Variants in TOX observed in about 807,000 individuals in gnomAD.
The protein encoded by TOX is thymocyte selection associated high mobility group box, also known as thymocyte selection-associated high mobility group box protein TOX.
A neutral mutation model predicts 53.7 loss-of-function variants in TOX; 11 were observed. The observed-to-expected ratio is 0.20, with a 90% CI of 0.13 to 0.34. TOX has a LOEUF of 0.34. TOX is among the 10% of genes least tolerant of loss of function. The pLI is 1.00. For missense variants in TOX, 570 were observed against 664.6 expected (o/e 0.86, Z 1.56); for synonymous variants, 225 against 245.3 (o/e 0.92, Z 0.77).
At chr8:58,824,613 A>G (rs1274518052) in intron 6 of TOX, among the ~76,000 whole-genome samples, 1 of 152,166 alleles carries the variant, frequency 6.6e-6, no homozygotes, top group Admixed American at 6.5e-5. Context: ...CCCAGATCCA[A>G]TGTCACCTCT....
intron 1 of TOX, among the ~76,000 whole-genome samples, chr8:59,100,621 C>A (rs1408257931): frequency 6.6e-6 from 1 of 152,196 alleles, no homozygotes; most frequent in Non-Finnish European, 1.5e-5. Flanking sequence ...TCTGCAATGA[C>A]TCTCACAGAA....
At chr8:58,937,737 A>G (rs1296974102) in intron 3 of TOX, among the ~76,000 whole-genome samples, 1 of 152,168 alleles carries the variant, frequency 6.6e-6, no homozygotes. Flanking sequence ...CACTCCTACC[A>G]TGGGGAATAA....
intron 1 of TOX, among the ~76,000 whole-genome samples, chr8:59,076,723 G>T (rs74976989): frequency 0.045 from 6,923 of 152,154 alleles, 209 homozygotes; most frequent in Middle Eastern, 0.15. Flanking sequence ...TCAGTGAAAA[G>T]AATATTTCTA....
intron 1 of TOX, among the ~76,000 whole-genome samples, chr8:59,029,064 T>C (rs948178665): frequency 6.6e-6 from 1 of 152,184 alleles, no homozygotes; most frequent in Non-Finnish European, 1.5e-5. Context: ...ACTAAAGTAC[T>C]TTCCCTCGGA....
Position 59,033,568 on chromosome 8 carries a change from G to A in TOX, c.103-73560C>T, listed in dbSNP as rs1281968213. 5.9e-5 allele frequency among the ~76,000 whole-genome samples: 9 copies of A among 152,116 alleles called. No homozygotes were observed. In the South Asian group the frequency reaches 8.3e-4, roughly 14 times the overall value. ...ATTTTTCCACAATAATAAAAAGGTCGATGCCCAGTCGCCACTATTACAAGA... is the reference window on the plus strand; with the variant it reads ...ATTTTTCCACAATAATAAAAAGGTCAATGCCCAGTCGCCACTATTACAAGA... On this transcript the variant is annotated intron_variant, in intron 1 of 8. Transcript: ENST00000361421.
chr8:59,048,327 C>G lies in TOX; in HGVS notation c.102+70559G>C, dbSNP rs908072203. ...AAACTATTAGATTGTGTTCAGCAAT[C>G]ACTCTCTGTCTGAATCTTCAGGTAC... On this transcript the variant is annotated intron_variant, in intron 1 of 8. Coordinates refer to ENST00000361421, the MANE Select transcript of TOX (RefSeq NM_014729.3). Among the ~76,000 whole-genome samples the G allele has an allele frequency of 5.3e-5, 8 of 152,214 alleles. No homozygotes were observed. The South Asian group carries it at 1.7e-3, about 32-fold the overall frequency.
chr8:58,883,102 AGT>A (rs1247313796), intron 3 of TOX, among the ~76,000 whole-genome samples: 1 of 152,174 alleles, frequency 6.6e-6, no homozygotes, highest in Non-Finnish European at 1.5e-5. Flanking sequence ...CTTTCTCAGC[AGT>A]GTCATTAGAC....
At chr8:58,834,210 A>AT (rs1810510739) in intron 5 of TOX, among the ~76,000 whole-genome samples, 1 of 152,050 alleles carries the variant, frequency 6.6e-6, no homozygotes, top group South Asian at 2.1e-4. Flanking sequence ...AATTTTGACC[A>AT]TTTTTCCCAG....
intron 1 of TOX, among the ~76,000 whole-genome samples, chr8:58,975,760 T>C (rs551746722): frequency 3.9e-5 from 6 of 151,936 alleles, no homozygotes; most frequent in Non-Finnish European, 8.8e-5. Flanking sequence ...AAGGCTGGGG[T>C]AGGTGTGGCA....
chr8:59,056,496 C>G (rs889086109), intron 1 of TOX, among the ~76,000 whole-genome samples: 4 of 149,426 alleles, frequency 2.7e-5, no homozygotes, highest in African/African-American at 9.9e-5. Flanking sequence ...ATACTGATAC[C>G]ACTACAGTGA....
intron 1 of TOX, among the ~76,000 whole-genome samples, chr8:59,053,290 A>G (rs1052603215): frequency 6.6e-6 from 1 of 152,186 alleles, no homozygotes; most frequent in African/African-American, 2.4e-5. Context: ...TTACAATGAG[A>G]AAATATTATC....
chr8:58,810,222 T>G (rs375532626), intron 7 of TOX, among the ~76,000 whole-genome samples: 1 of 152,180 alleles, frequency 6.6e-6, no homozygotes, highest in African/African-American at 2.4e-5. Flanking sequence ...CAGGCTGATC[T>G]TGAACTCTGG....
intron 1 of TOX, among the ~76,000 whole-genome samples, chr8:59,063,377 C>T (rs966884421): frequency 3.3e-5 from 5 of 150,286 alleles, no homozygotes; most frequent in Admixed American, 6.6e-5. Context: ...AAAGACTGAA[C>T]GATGGCCAGA....
chr8:58,814,792 C>T (rs1810146051), intron 7 of TOX, among the ~76,000 whole-genome samples: 1 of 152,128 alleles, frequency 6.6e-6, no homozygotes, highest in African/African-American at 2.4e-5. Context: ...ATGCAGAAGC[C>T]AGATATCCAT....
At chr8:58,933,858 C>T (rs1812300778) in intron 3 of TOX, among the ~76,000 whole-genome samples, 1 of 152,144 alleles carries the variant, frequency 6.6e-6, no homozygotes, top group African/African-American at 2.4e-5. Context: ...CACCCCACCC[C>T]TGACACCACT....
At chr8:58,878,433 G>A (rs16924176) in intron 3 of TOX, among the ~76,000 whole-genome samples, 1,997 of 152,244 alleles carry the variant, frequency 0.013, 42 homozygotes, top group African/African-American at 0.044. Flanking sequence ...TTTAAAACTA[G>A]TGAGGCTTAC....
At chr8:58,981,123 C>T (rs1415962128) in intron 1 of TOX, among the ~76,000 whole-genome samples, 1 of 152,178 alleles carries the variant, frequency 6.6e-6, no homozygotes, top group Non-Finnish European at 1.5e-5. Context: ...TTCCTGTAGG[C>T]ACTGGTAGTA....
chr8:58,946,863 C>T (rs2129177184), intron 2 of TOX, among the ~76,000 whole-genome samples: 1 of 152,116 alleles, frequency 6.6e-6, no homozygotes, highest in Non-Finnish European at 1.5e-5. Flanking sequence ...AAAGATATAG[C>T]TCTCATTTTG....
chr8:58,876,672 C>T (rs1811291543), intron 3 of TOX, among the ~76,000 whole-genome samples: 1 of 152,126 alleles, frequency 6.6e-6, no homozygotes, highest in Admixed American at 6.6e-5. Flanking sequence ...CTACATGTAG[C>T]TAGCGGGTAG....
Sources: gnomAD v4.1 joint callset for allele counts (sites outside exome capture counted in the v4.1 genomes callset) on GRCh38, gnomAD v4.1.1 for gene constraint, MANE v1.5 for transcripts, NCBI Gene and HGNC (gene_info 2026-07-23, HGNC 2026-07-21) for gene names.